Variants in IQCJ observed in about 807,000 individuals in gnomAD.
IQCJ encodes IQ domain-containing protein J.
Under a neutral mutation model 11.0 loss-of-function variants are expected in IQCJ, and 9 were observed. That is an observed-to-expected ratio of 0.82 (90% CI 0.49 to 1.43). IQCJ has a LOEUF of 1.43. Among genes scored for constraint, IQCJ ranks in the 40% most tolerant of loss-of-function variants. The probability of loss-of-function intolerance (pLI) is 0.00; values close to 1 mark genes in which losing one functional copy is unlikely to be tolerated. For missense variants in IQCJ, 146 were observed against 133.2 expected, an observed-to-expected ratio of 1.10 and a Z score of -0.47; for synonymous variants, 55 against 51.3, an observed-to-expected ratio of 1.07 and a Z score of -0.31.
chr3:159,073,457 T>C (rs983298368), intron 1 of IQCJ, among the ~76,000 whole-genome samples: 1 of 152,090 alleles, frequency 6.6e-6, no homozygotes, highest in African/African-American at 2.4e-5. Flanking sequence ...GTCATTCAAG[T>C]GCTGAGTGGG....
chr3:159,250,570 A>G (rs1727537252), intron 2 of IQCJ, among the ~76,000 whole-genome samples: 1 of 152,182 alleles, frequency 6.6e-6, no homozygotes, highest in Non-Finnish European at 1.5e-5. Flanking sequence ...GGAAACTTGC[A>G]ATCTCGGCAG....
intron 1 of IQCJ, among the ~76,000 whole-genome samples, chr3:159,163,174 A>T (rs773771985): frequency 2.0e-5 from 3 of 152,256 alleles, no homozygotes; most frequent in Non-Finnish European, 4.4e-5. Flanking sequence ...AAAATCCTCA[A>T]TAAAATAGTG....
chr3:159,223,259 A>G (rs867018895), intron 1 of IQCJ, among the ~76,000 whole-genome samples: 6 of 152,296 alleles, frequency 3.9e-5, no homozygotes, highest in Middle Eastern at 3.4e-3. Flanking sequence ...TATACTCACT[A>G]AAAAGTTCAG....
intron 1 of IQCJ, among the ~76,000 whole-genome samples, chr3:159,176,605 C>G (rs935964681): frequency 1.3e-5 from 2 of 151,914 alleles, no homozygotes; most frequent in African/African-American, 4.8e-5. Flanking sequence ...TTTAAATTTC[C>G]TAGTAGCTAC....
At chr3:159,226,498 G>C (rs1276915361) in intron 1 of IQCJ, among the ~76,000 whole-genome samples, 2 of 152,216 alleles carry the variant, frequency 1.3e-5, no homozygotes, top group Non-Finnish European at 2.9e-5. Flanking sequence ...ACCACAGGAA[G>C]AGACCAAATA....
Position 159,171,359 on chromosome 3 carries a change from C to T in IQCJ, c.10-74484C>T, listed in dbSNP as rs138723394. 8.1e-4 allele frequency among the ~76,000 whole-genome samples: 124 copies of T among 152,270 alleles called. 1 individual carries two copies. In the East Asian group the frequency reaches 0.02, roughly 24 times the overall value. On this transcript the variant is annotated intron_variant, in intron 1 of 3. Transcript: ENST00000397832. ...ATGGCAGGGTATATAGGCATTTGTG[C>T]GTCAGAGACACTGTCCTTATCCAAA...
chr3:159,126,290 GA>G (rs1195990480), intron 1 of IQCJ, among the ~76,000 whole-genome samples: 2 of 152,174 alleles, frequency 1.3e-5, no homozygotes, highest in African/African-American at 4.8e-5. Flanking sequence ...AGCAGGGATA[GA>G]AATTCTTACC....
intron 1 of IQCJ, among the ~76,000 whole-genome samples, chr3:159,162,942 A>G (rs1222263019): frequency 6.6e-6 from 1 of 152,210 alleles, no homozygotes; most frequent in Non-Finnish European, 1.5e-5. Context: ...TAGCTTACCA[A>G]CTAAAAAGAG....
chr3:159,259,347 A>C (rs1728076448), intron 3 of IQCJ, among the ~76,000 whole-genome samples: 1 of 152,240 alleles, frequency 6.6e-6, no homozygotes, highest in Admixed American at 6.5e-5. Flanking sequence ...AAAATATAGG[A>C]GCACACAACA....
intron 1 of IQCJ, among the ~76,000 whole-genome samples, chr3:159,172,171 T>A (rs1048491284): frequency 6.6e-6 from 1 of 152,136 alleles, no homozygotes; most frequent in Non-Finnish European, 1.5e-5. Flanking sequence ...TTTATAATGG[T>A]CAAAATATTA....
Position 159,207,632 on chromosome 3 carries a change from G to A in IQCJ, c.10-38211G>A, listed in dbSNP as rs549196064. On this transcript the variant is annotated intron_variant, in intron 1 of 3. Coordinates refer to ENST00000397832, the MANE Select transcript of IQCJ (RefSeq NM_001042706.3). ...GGCCTAATGGAGTCATATTCTCGTAGAAGTTGTAAATAAGATTTCTGATCA... is the reference window on the plus strand; with the variant it reads ...GGCCTAATGGAGTCATATTCTCGTAAAAGTTGTAAATAAGATTTCTGATCA... 2.0e-5 allele frequency among the ~76,000 whole-genome samples: 3 copies of A among 152,316 alleles called. No homozygotes were observed. The South Asian group carries it at 6.2e-4, about 32-fold the overall frequency.
At chr3:159,230,364 GTCTTTT>G (rs1726175328) in intron 1 of IQCJ, among the ~76,000 whole-genome samples, 1 of 152,122 alleles carries the variant, frequency 6.6e-6, no homozygotes, top group Non-Finnish European at 1.5e-5. Flanking sequence ...AAGTGCATGT[GTCTTTT>G]TTGATATTTT....
chr3:159,088,120 C>G (rs1324251992), intron 1 of IQCJ, among the ~76,000 whole-genome samples: 2 of 152,062 alleles, frequency 1.3e-5, no homozygotes, highest in African/African-American at 2.4e-5. Context: ...TATGTTGTGT[C>G]TTTGTTCTCG....
chr3:159,256,325 C>T (rs1336537190), intron 3 of IQCJ, among the ~76,000 whole-genome samples: 1 of 151,890 alleles, frequency 6.6e-6, no homozygotes, highest in African/African-American at 2.4e-5. Context: ...AATGAAACAA[C>T]ATTTAGGTTC....
chr3:159,172,725 A>C (rs1577059559), intron 1 of IQCJ, among the ~76,000 whole-genome samples: 1 of 134,662 alleles, frequency 7.4e-6, no homozygotes, highest in East Asian at 2.6e-4. Flanking sequence ...GTGACACAGA[A>C]AGAGCTTAAA....
At chr3:159,165,073 T>C (rs1722088340) in intron 1 of IQCJ, among the ~76,000 whole-genome samples, 2 of 123,996 alleles carry the variant, frequency 1.6e-5, no homozygotes, top group Non-Finnish European at 3.5e-5. Context: ...AACTGAAAAA[T>C]GTACCAAACT....
chr3:159,192,847 T>A (rs1723770894), intron 1 of IQCJ, among the ~76,000 whole-genome samples: 1 of 152,162 alleles, frequency 6.6e-6, no homozygotes. Context: ...TGGGAACAGG[T>A]CCTCAAGAAT....
At chr3:159,144,526 A>ACCTGTT in intron 1 of IQCJ, among the ~76,000 whole-genome samples, 1 of 152,270 alleles carries the variant, frequency 6.6e-6, no homozygotes, top group East Asian at 1.9e-4. Flanking sequence ...ATGTTAAGTG[A>ACCTGTT]CCTGTTCCTG....
At chr3:159,172,595 T>G (rs1722539739) in intron 1 of IQCJ, among the ~76,000 whole-genome samples, 1 of 152,110 alleles carries the variant, frequency 6.6e-6, no homozygotes, top group Middle Eastern at 3.2e-3. Flanking sequence ...GAAATAAAAT[T>G]CATAAGAATC....
Sources: allele counts gnomAD v4.1 joint callset (sites outside exome capture counted in the v4.1 genomes callset), GRCh38; gene constraint gnomAD v4.1.1; transcripts MANE v1.5; gene names NCBI Gene and HGNC (gene_info 2026-07-23, HGNC 2026-07-21).